Variants in CNTN1 observed in about 807,000 individuals in gnomAD.
CNTN1 encodes contactin-1.
In CNTN1, 38 loss-of-function variants were observed where a neutral mutation model predicts 126.4. The observed-to-expected ratio is 0.30, with a 90% CI of 0.23 to 0.39. The LOEUF is 0.39. Ranked by LOEUF, CNTN1 falls within the 10% of genes least tolerant of loss-of-function variation. The pLI is 1.00. For missense variants in CNTN1, 1,009 were observed against 1,248.4 expected (o/e 0.81, Z 2.89); for synonymous variants, 413 against 422.6 (o/e 0.98, Z 0.28).
chr12:40,749,566 GA>G (rs1177290170), intron 1 of CNTN1, among the ~76,000 whole-genome samples: 1 of 143,880 alleles, frequency 7.0e-6, no homozygotes, highest in Non-Finnish European at 1.6e-5. Flanking sequence ...AGAAAATGAG[GA>G]ACTATCTATA....
At chr12:40,871,200 A>AAAAAAAAAAAAAC in intron 1 of CNTN1, among the ~76,000 whole-genome samples, 1 of 42,786 alleles carries the variant, frequency 2.3e-5, no homozygotes. Flanking sequence ...AAAAAAAAAA[A>AAAAAAAAAAAAAC]AAAAAAAAAA....
At chr12:40,993,387 A>C in intron 17 of CNTN1, 118 bp downstream of exon 17, 4 of 829,288 alleles carry the variant, frequency 4.8e-6, no homozygotes, top group Middle Eastern at 3.4e-4. Context: ...TCTGAAAAGC[A>C]TGTGTGTGTA....
At chr12:40,814,234 C>T (rs1941184230) in intron 1 of CNTN1, among the ~76,000 whole-genome samples, 1 of 152,144 alleles carries the variant, frequency 6.6e-6, no homozygotes. Flanking sequence ...GCTTTTGTTG[C>T]AATTACTTTT....
intron 1 of CNTN1, among the ~76,000 whole-genome samples, chr12:40,836,109 T>A (rs1942046208): frequency 6.8e-6 from 1 of 147,314 alleles, no homozygotes; most frequent in Admixed American, 6.9e-5. Context: ...TACGTACATA[T>A]ACAGGTATAT....
At chr12:40,967,596 C>T (rs1453852957) in intron 15 of CNTN1, among the ~76,000 whole-genome samples, 1 of 152,154 alleles carries the variant, frequency 6.6e-6, no homozygotes, top group Non-Finnish European at 1.5e-5. Flanking sequence ...AGCTTTTAGA[C>T]ACTGCATGCA....
At chr12:41,021,560 C>T (rs917016337) in intron 20 of CNTN1, among the ~76,000 whole-genome samples, 1 of 151,284 alleles carries the variant, frequency 6.6e-6, no homozygotes, top group Non-Finnish European at 1.5e-5. Flanking sequence ...TGGGCTTTCT[C>T]AAGGCCATGT....
intron 23 of CNTN1, among the ~76,000 whole-genome samples, chr12:41,031,119 G>A (rs1378677674): frequency 6.6e-6 from 1 of 152,136 alleles, no homozygotes; most frequent in Non-Finnish European, 1.5e-5. Context: ...CTAGCTTCTG[G>A]GATTTAGACT....
intron 1 of CNTN1, among the ~76,000 whole-genome samples, chr12:40,836,727 G>T (rs1592141289): frequency 6.6e-6 from 1 of 152,004 alleles, no homozygotes; most frequent in South Asian, 2.1e-4. Context: ...ATAAAATAAT[G>T]GTGTTGACTG....
intron 1 of CNTN1, among the ~76,000 whole-genome samples, chr12:40,730,385 G>T (rs950450863): frequency 2.6e-5 from 4 of 152,198 alleles, no homozygotes; most frequent in Admixed American, 6.5e-5. Context: ...GGATGATGGG[G>T]AAAGAGTTCT....
intron 1 of CNTN1, among the ~76,000 whole-genome samples, chr12:40,723,847 G>A (rs1272021548): frequency 6.6e-6 from 1 of 152,156 alleles, no homozygotes; most frequent in African/African-American, 2.4e-5. Flanking sequence ...TTATCTAAAA[G>A]GTAAGTGGAA....
At chr12:40,844,378 T>G (rs1942423253) in intron 1 of CNTN1, among the ~76,000 whole-genome samples, 1 of 152,104 alleles carries the variant, frequency 6.6e-6, no homozygotes, top group South Asian at 2.1e-4. Flanking sequence ...AATGATTTTT[T>G]GAAGTTATTG....
chr12:40,843,036 A>G (rs1942348077), intron 1 of CNTN1, among the ~76,000 whole-genome samples: 1 of 152,152 alleles, frequency 6.6e-6, no homozygotes, highest in East Asian at 1.9e-4. Context: ...GACCTAAAGT[A>G]TACCTTAACT....
chr12:40,906,970 GC>G (rs888140643), intron 1 of CNTN1, among the ~76,000 whole-genome samples: 26 of 152,234 alleles, frequency 1.7e-4, no homozygotes, highest in African/African-American at 6.0e-4. Context: ...GAGCCACTGT[GC>G]CCAGCCCATG....
chr12:41,023,528 C>A (rs1484388219), intron 20 of CNTN1, among the ~76,000 whole-genome samples: 1 of 152,152 alleles, frequency 6.6e-6, no homozygotes, highest in Non-Finnish European at 1.5e-5. Context: ...GCCCAGGAAT[C>A]CACAAAAGAC....
chr12:40,908,305 C>CGT, intron 1 of CNTN1, 52 bp from the exon 2 acceptor site: 2 of 650,648 alleles, frequency 3.1e-6, no homozygotes. Context: ...CCTTCCTTCC[C>CGT]CTCTCCTTCC....
chr12:40,770,742 A>G (rs1379933507), intron 1 of CNTN1, among the ~76,000 whole-genome samples: 1 of 152,154 alleles, frequency 6.6e-6, no homozygotes, highest in East Asian at 1.9e-4. Flanking sequence ...AAATGTGTAT[A>G]AAGAGGGGAT....
chr12:40,895,281 A>G (rs1159139262), intron 1 of CNTN1, among the ~76,000 whole-genome samples: 1 of 152,248 alleles, frequency 6.6e-6, no homozygotes, highest in African/African-American at 2.4e-5. Flanking sequence ...CACAAAGTAA[A>G]GAAAAAGAAA....
At chr12:40,790,347 C>G (rs1940172899) in intron 1 of CNTN1, among the ~76,000 whole-genome samples, 1 of 152,114 alleles carries the variant, frequency 6.6e-6, no homozygotes, top group African/African-American at 2.4e-5. Context: ...ACATGCCCAA[C>G]TTGACCCAGT....
chr12:40,744,049 C>A (rs1438718904), intron 1 of CNTN1, among the ~76,000 whole-genome samples: 1 of 151,862 alleles, frequency 6.6e-6, no homozygotes, highest in Non-Finnish European at 1.5e-5. Context: ...AAACCAAACA[C>A]CACATGTTTT....
Sources: gnomAD v4.1 joint callset for allele counts (sites outside exome capture counted in the v4.1 genomes callset) on GRCh38, gnomAD v4.1.1 for gene constraint, MANE v1.5 for transcripts, NCBI Gene and HGNC (gene_info 2026-07-23, HGNC 2026-07-21) for gene names.